CNTN4: variants seen among roughly 807,000 people sequenced by gnomAD.
The protein encoded by CNTN4 is contactin 4.
CNTN4 carries 77 observed loss-of-function variants against 122.5 expected under a neutral mutation model. The ratio of observed to expected loss-of-function variants is 0.63; its 90% CI spans 0.52 to 0.76. The LOEUF is 0.76. Ranked by LOEUF, CNTN4 falls within the 30% of genes least tolerant of loss-of-function variation. CNTN4 has a pLI of 0.00. For missense variants in CNTN4, 1,256 were observed against 1,259.1 expected (o/e 1.00, Z 0.04); for synonymous variants, 512 against 447.0 (o/e 1.15, Z -1.83).
chr3:3,005,209 C>T (rs1391637056), intron 14 of CNTN4, among the ~76,000 whole-genome samples: 5 of 152,244 alleles, frequency 3.3e-5, no homozygotes, highest in Non-Finnish European at 7.3e-5. Context: ...ACCCAAAAAT[C>T]ACTTGGCCAC....
At chr3:2,925,816 T>A in intron 13 of CNTN4, 37 bp downstream of exon 13, 1 of 1,539,620 alleles carries the variant, frequency 6.5e-7, no homozygotes, top group South Asian at 1.1e-5. Context: ...TTGGTTAACC[T>A]GTAAAAATGT....
At chr3:2,300,929 C>T (rs1041709701) in intron 2 of CNTN4, among the ~76,000 whole-genome samples, 8 of 152,014 alleles carry the variant, frequency 5.3e-5, no homozygotes, top group African/African-American at 7.2e-5. Context: ...AGCATGAAGG[C>T]GTGTCCATTT....
intron 6 of CNTN4, among the ~76,000 whole-genome samples, chr3:2,773,762 CTTT>C (rs1234334638): frequency 9.3e-6 from 1 of 107,542 alleles, no homozygotes. Context: ...ATGTAGTAGA[CTTT>C]TTTTTTTTTT....
In CNTN4 at chr3:2,834,014, C is replaced by T. The variant is rs577983117; in HGVS notation, c.454+14433C>T. On this transcript the variant is annotated intron_variant, in intron 7 of 24. Transcript: ENST00000418658. Reference sequence around the variant, plus strand: ...ACAAAAATTTAGCTGGGCATGGTGGCGGGCACCTGTAGTCCCAGCTACTCG... The same window carrying T: ...ACAAAAATTTAGCTGGGCATGGTGGTGGGCACCTGTAGTCCCAGCTACTCG... Among the ~76,000 whole-genome samples the T allele has an allele frequency of 6.6e-5, 10 of 151,936 alleles. No homozygotes were observed. In the South Asian group the frequency reaches 8.3e-4, roughly 13 times the overall value.
At chr3:2,348,703 G>A (rs2044496538) in intron 3 of CNTN4, among the ~76,000 whole-genome samples, 1 of 152,114 alleles carries the variant, frequency 6.6e-6, no homozygotes, top group African/African-American at 2.4e-5. Flanking sequence ...AAAACTGGAA[G>A]TTTCTAACAT....
intron 2 of CNTN4, among the ~76,000 whole-genome samples, chr3:2,217,874 AC>A (rs777128216): frequency 6.6e-6 from 1 of 152,226 alleles, no homozygotes; most frequent in Non-Finnish European, 1.5e-5. Context: ...CTGAGTGCCT[AC>A]CTAGATGCTA....
chr3:2,620,598 T>C (rs1028142940), intron 4 of CNTN4, among the ~76,000 whole-genome samples: 3 of 152,162 alleles, frequency 2.0e-5, no homozygotes, highest in African/African-American at 7.2e-5. Context: ...ATTCTACTCA[T>C]AAAAGACTTA....
intron 3 of CNTN4, among the ~76,000 whole-genome samples, chr3:2,358,985 G>A (rs533424503): frequency 1.3e-5 from 2 of 152,242 alleles, no homozygotes; most frequent in Middle Eastern, 3.4e-3. Context: ...TCCAGTTGTG[G>A]TTAGGTGCTA....
intron 2 of CNTN4, among the ~76,000 whole-genome samples, chr3:2,133,014 G>T (rs67144287): frequency 0.058 from 8,713 of 150,746 alleles, 429 homozygotes; most frequent in East Asian, 0.25. Flanking sequence ...ATGAAACAAA[G>T]AAATAAGAAA....
intron 3 of CNTN4, among the ~76,000 whole-genome samples, chr3:2,432,097 T>G (rs1198264788): frequency 6.6e-6 from 1 of 152,200 alleles, no homozygotes; most frequent in African/African-American, 2.4e-5. Flanking sequence ...CCAGAATATT[T>G]TTGTTTCTTC....
intron 2 of CNTN4, among the ~76,000 whole-genome samples, chr3:2,273,253 T>C (rs925469870): frequency 2.0e-5 from 3 of 152,226 alleles, no homozygotes; most frequent in African/African-American, 7.2e-5. Flanking sequence ...GGTTTTTCTG[T>C]TGTGGTCTTA....
intron 3 of CNTN4, among the ~76,000 whole-genome samples, chr3:2,440,150 T>A (rs923036439): frequency 6.6e-6 from 1 of 152,166 alleles, no homozygotes; most frequent in Non-Finnish European, 1.5e-5. Context: ...TTTTAAAAAA[T>A]TATTATTATA....
At chr3:2,509,915 A>T (rs920482749) in intron 3 of CNTN4, among the ~76,000 whole-genome samples, 2 of 152,196 alleles carry the variant, frequency 1.3e-5, no homozygotes, top group Non-Finnish European at 2.9e-5. Flanking sequence ...GATTGGCACC[A>T]TGAAGACAAA....
chr3:2,117,080 C>T (rs1158496870), intron 2 of CNTN4, among the ~76,000 whole-genome samples: 1 of 152,164 alleles, frequency 6.6e-6, no homozygotes, highest in African/African-American at 2.4e-5. Flanking sequence ...TCTCAGATCA[C>T]AGAGGTTGAG....
chr3:2,886,923 T>G (rs554829681), intron 9 of CNTN4, 117 bp from the exon 10 acceptor site: 1 of 751,446 alleles, frequency 1.3e-6, no homozygotes, highest in African/African-American at 1.8e-5. Context: ...GAGGAATGAA[T>G]GAAGTTTGCA....
chr3:2,373,134 A>G (rs1184742225), intron 3 of CNTN4, among the ~76,000 whole-genome samples: 2 of 152,224 alleles, frequency 1.3e-5, no homozygotes, highest in Non-Finnish European at 2.9e-5. Flanking sequence ...TTTTTAAGGT[A>G]GGGAAGAAAA....
chr3:2,989,403 TATC>T (rs1181203873), intron 14 of CNTN4, among the ~76,000 whole-genome samples: 2 of 152,190 alleles, frequency 1.3e-5, no homozygotes, highest in Non-Finnish European at 2.9e-5. Context: ...AGATGGGTCA[TATC>T]ATATTATTTC....
At chr3:2,532,634 A>G (rs1240297841) in intron 3 of CNTN4, among the ~76,000 whole-genome samples, 1 of 152,212 alleles carries the variant, frequency 6.6e-6, no homozygotes, top group Non-Finnish European at 1.5e-5. Context: ...AAAGGAAACC[A>G]AAAACAAATA....
intron 3 of CNTN4, among the ~76,000 whole-genome samples, chr3:2,467,090 G>C (rs115745640): frequency 2.7e-5 from 4 of 145,630 alleles, no homozygotes; most frequent in Non-Finnish European, 6.0e-5. Flanking sequence ...TTCCAGTATC[G>C]CTAATACATA....
Sources: allele counts gnomAD v4.1 joint callset (sites outside exome capture counted in the v4.1 genomes callset), GRCh38; gene constraint gnomAD v4.1.1; transcripts MANE v1.5; gene names NCBI Gene and HGNC (gene_info 2026-07-23, HGNC 2026-07-21).